PARD3B: variants seen among roughly 807,000 people sequenced by gnomAD.
The protein encoded by PARD3B is par-3 family cell polarity regulator beta.
Under a neutral mutation model 130.2 loss-of-function variants are expected in PARD3B, and 103 were observed. That is an observed-to-expected ratio of 0.79 (90% CI 0.67 to 0.93). The LOEUF is 0.93. Among genes scored for constraint, PARD3B ranks in the 40% least tolerant of loss-of-function variants. The pLI, the probability that PARD3B is intolerant of heterozygous loss-of-function variation, is 0.00. For synonymous variants in PARD3B, 583 were observed against 553.2 expected (o/e 1.05, Z -0.76); for missense variants, 1,609 against 1,499.2 (o/e 1.07, Z -1.21).
intron 4 of PARD3B, among the ~76,000 whole-genome samples, chr2:205,054,870 G>A (rs1452695061): frequency 2.0e-5 from 3 of 152,040 alleles, no homozygotes; most frequent in South Asian, 4.1e-4. Context: ...CAAATAATAC[G>A]GTTTTAACCA....
intron 2 of PARD3B, among the ~76,000 whole-genome samples, chr2:204,847,849 C>T (rs911079956): frequency 2.0e-5 from 3 of 152,276 alleles, no homozygotes; most frequent in Admixed American, 1.3e-4. Context: ...AGGAAAACAT[C>T]GTATGCTGAG....
intron 19 of PARD3B, among the ~76,000 whole-genome samples, chr2:205,426,554 G>A (rs1286755487): frequency 3.3e-5 from 5 of 151,994 alleles, no homozygotes; most frequent in Non-Finnish European, 7.4e-5. Context: ...TTCTGACCTC[G>A]ACTACCATTA....
At position 205,253,446 on chromosome 2, in the gene PARD3B, T is replaced by C. The variant is rs537181588; in HGVS notation, c.2185+7624T>C. ...TGGGCTGGTGGATGGGAAGCCAGTA[T>C]GGATCACCTTGTGGATGGATGCAAA... On this transcript the variant is annotated intron_variant, in intron 16 of 22. Transcript: ENST00000406610. The surrounding 1 kb of genome is among the most constrained non-coding windows in gnomAD (Gnocchi z 4.4). The C allele has an allele frequency of 6.0e-5, 34 of 562,840 alleles. No homozygotes were observed. Among genetic ancestry groups the C allele is most frequent in the Non-Finnish European group, 1.1e-4 (30 of 278,366 alleles). The allele number at this position is 562,840 out of a possible 1,614,324, so 34.9% of individuals were successfully genotyped here.
Position 205,592,789 on chromosome 2 carries a change from A to G in PARD3B, c.3261-22667A>G, listed in dbSNP as rs886217658. On this transcript the variant is annotated intron_variant, in intron 22 of 22. Transcript: ENST00000406610. The surrounding 1 kb of genome is among the most constrained non-coding windows in gnomAD (Gnocchi z 4.5). Reference sequence around the variant, plus strand: ...CATCTGGAACAAGTACAGATGGCCAAATCAAGAACCTTTCTCTTGGCCTCT... The same window carrying G: ...CATCTGGAACAAGTACAGATGGCCAGATCAAGAACCTTTCTCTTGGCCTCT... 1.3e-5 allele frequency among the ~76,000 whole-genome samples: 2 copies of G among 152,260 alleles called. No individual in the cohort carries two copies. Among genetic ancestry groups the G allele is most frequent in the African/African-American group, 4.8e-5 (2 of 41,476 alleles).
intron 4 of PARD3B, among the ~76,000 whole-genome samples, chr2:205,071,137 C>T (rs1270624154): frequency 1.3e-5 from 2 of 152,152 alleles, no homozygotes; most frequent in Non-Finnish European, 2.9e-5. Context: ...TTCATAAATA[C>T]AGTGTGTGCA....
rs1702125726 is a variant in PARD3B, at chr2:205,091,783, A to G, written c.505-12643A>G. Among the ~76,000 whole-genome samples the G allele has an allele frequency of 6.6e-6, 1 of 152,166 alleles. No individual in the cohort carries two copies. The highest frequency in any genetic ancestry group is 2.1e-4 in the South Asian group (1 of 4,808). ...AACAGTAGACGGGCCATTCATTAGT[A>G]TCTTCTCTCCAGCTTCTGTGCTCCT... On this transcript the variant is annotated intron_variant, in intron 4 of 22. Coordinates refer to ENST00000406610, the MANE Select transcript of PARD3B (RefSeq NM_001302769.2). The surrounding 1 kb of genome is among the most constrained non-coding windows in gnomAD (Gnocchi z 4.2).
intron 1 of PARD3B, among the ~76,000 whole-genome samples, chr2:204,635,240 C>G (rs2034834198): frequency 6.6e-6 from 1 of 152,048 alleles, no homozygotes; most frequent in Non-Finnish European, 1.5e-5. Context: ...TTTTCCTCCC[C>G]CGGACGAGGA....
At chr2:204,882,460 C>A (rs2046091626) in intron 2 of PARD3B, among the ~76,000 whole-genome samples, 1 of 152,088 alleles carries the variant, frequency 6.6e-6, no homozygotes, top group African/African-American at 2.4e-5. Flanking sequence ...GAATTGATTT[C>A]TTTTATGGCA....
chr2:204,798,745 G>A lies in PARD3B; in HGVS notation c.222+112463G>A, dbSNP rs531070521. Among the ~76,000 whole-genome samples the A allele has an allele frequency of 2.0e-5, 3 of 151,948 alleles. No homozygotes were observed. The South Asian group carries it at 6.2e-4, about 32-fold the overall frequency. ...GGGCAGTCTTGAGGCCTCCATTCCC[G>A]GCCCTAGTTCCCAGGTGACATTTCT... On this transcript the variant is annotated intron_variant, in intron 2 of 22. Transcript: ENST00000406610.
intron 2 of PARD3B, among the ~76,000 whole-genome samples, chr2:204,814,575 C>T (rs2043077349): frequency 6.6e-6 from 1 of 151,750 alleles, no homozygotes. Flanking sequence ...TACCTTATTT[C>T]ATTGGCTAGG....
intron 4 of PARD3B, among the ~76,000 whole-genome samples, chr2:205,055,969 A>G (rs139710916): frequency 2.0e-4 from 31 of 152,284 alleles, no homozygotes; most frequent in Admixed American, 7.2e-4. Flanking sequence ...AGGCTAAAGT[A>G]CATATAGTCA....
chr2:204,657,816 T>C (rs1163174842), intron 1 of PARD3B, among the ~76,000 whole-genome samples: 1 of 152,234 alleles, frequency 6.6e-6, no homozygotes, highest in East Asian at 1.9e-4. Context: ...ATTTTAATGA[T>C]GTACTTTAGT....
intron 1 of PARD3B, among the ~76,000 whole-genome samples, chr2:204,580,467 C>T (rs1050010638): frequency 1.3e-5 from 2 of 152,154 alleles, no homozygotes; most frequent in Admixed American, 6.6e-5. Flanking sequence ...ATTCTTGCCT[C>T]ATTTTTCTGT....
chr2:205,447,568 G>A (rs538395354), intron 20 of PARD3B, among the ~76,000 whole-genome samples: 24 of 152,180 alleles, frequency 1.6e-4, no homozygotes, highest in East Asian at 5.8e-4. Context: ...TAGTAGAGAC[G>A]GGGTTTCACC....
chr2:204,811,903 A>G (rs1362458578), intron 2 of PARD3B, among the ~76,000 whole-genome samples: 3 of 152,030 alleles, frequency 2.0e-5, no homozygotes, highest in African/African-American at 7.3e-5. Flanking sequence ...TTTTAGAAAC[A>G]TTTGGCCTGG....
chr2:205,529,477 C>G (rs548682142), intron 21 of PARD3B, among the ~76,000 whole-genome samples: 94 of 152,296 alleles, frequency 6.2e-4, no homozygotes, highest in Non-Finnish European at 1.2e-3. Context: ...GTAGGAATCA[C>G]TAGGCCTTTC....
chr2:204,649,621 A>G (rs538020997), intron 1 of PARD3B, among the ~76,000 whole-genome samples: 26 of 152,260 alleles, frequency 1.7e-4, no homozygotes, highest in Admixed American at 3.3e-4. Flanking sequence ...CACACCTACA[A>G]TTATGTGATC....
intron 1 of PARD3B, among the ~76,000 whole-genome samples, chr2:204,647,977 T>C (rs2035331543): frequency 6.6e-6 from 1 of 151,602 alleles, no homozygotes; most frequent in Non-Finnish European, 1.5e-5. Context: ...ATTATGAGTA[T>C]AATTATACTT....
chr2:204,893,770 C>A (rs1396187336), intron 2 of PARD3B, among the ~76,000 whole-genome samples: 2 of 152,144 alleles, frequency 1.3e-5, no homozygotes, highest in Non-Finnish European at 2.9e-5. Context: ...AAGTGTTCAA[C>A]AGCCACATGT....
Sources: allele counts gnomAD v4.1 joint callset (sites outside exome capture counted in the v4.1 genomes callset), GRCh38; gene constraint gnomAD v4.1.1; non-coding constraint Gnocchi (gnomAD v3.1); transcripts MANE v1.5; gene names NCBI Gene and HGNC (gene_info 2026-07-23, HGNC 2026-07-21).